The following GRID2 variants were observed in gnomAD, a reference collection of about 807,000 sequenced individuals.
The protein encoded by GRID2 is glutamate receptor ionotropic, delta-2.
A neutral mutation model predicts 114.8 loss-of-function variants in GRID2; 33 were observed. The observed-to-expected ratio is 0.29, with a 90% confidence interval of 0.22 to 0.38. The LOEUF is 0.38. Among genes scored for constraint, GRID2 ranks in the 10% least tolerant of loss-of-function variants. The probability of loss-of-function intolerance (pLI) is 1.00; values close to 1 mark genes in which losing one functional copy is unlikely to be tolerated. For synonymous variants in GRID2, 505 were observed against 449.9 expected (o/e 1.12, Z -1.55); for missense variants, 1,184 against 1,257.7 (o/e 0.94, Z 0.89).
chr4:92,910,907 A>G (rs1371310671), intron 2 of GRID2, among the ~76,000 whole-genome samples: 1 of 151,000 alleles, frequency 6.6e-6, no homozygotes, highest in Non-Finnish European at 1.5e-5. Flanking sequence ...CACAATTAAA[A>G]AAATATTTTC....
At chr4:93,113,724 G>T (rs1732985357) in intron 4 of GRID2, among the ~76,000 whole-genome samples, 1 of 152,208 alleles carries the variant, frequency 6.6e-6, no homozygotes, top group African/African-American at 2.4e-5. Context: ...ATGTCTGGTT[G>T]TAGAGGTAAA....
chr4:92,659,917 A>T (rs1415601646), intron 2 of GRID2, among the ~76,000 whole-genome samples: 1 of 151,522 alleles, frequency 6.6e-6, no homozygotes, highest in African/African-American at 2.4e-5. Context: ...GTGCAATAAA[A>T]TCTGTTAGAT....
At chr4:93,391,217 C>T (rs1764821597) in intron 8 of GRID2, among the ~76,000 whole-genome samples, 1 of 152,178 alleles carries the variant, frequency 6.6e-6, no homozygotes, top group African/African-American at 2.4e-5. Context: ...TACTGGCACA[C>T]TGCATTCATT....
intron 7 of GRID2, among the ~76,000 whole-genome samples, chr4:93,233,238 G>A (rs1746343257): frequency 6.6e-6 from 1 of 151,872 alleles, no homozygotes; most frequent in Admixed American, 6.6e-5. Context: ...GCTAAAAGGG[G>A]GAAAGACCAT....
At chr4:93,806,528 G>A (rs1735037007) in intron 1 of GRID2, among the ~76,000 whole-genome samples, 1 of 152,188 alleles carries the variant, frequency 6.6e-6, no homozygotes, top group South Asian at 2.1e-4. Flanking sequence ...ACAGTTGCCT[G>A]GAGTCTAGAA....
intron 2 of GRID2, among the ~76,000 whole-genome samples, chr4:92,749,445 G>C (rs1172419932): frequency 3.4e-5 from 5 of 149,048 alleles, no homozygotes; most frequent in Non-Finnish European, 1.5e-5. Flanking sequence ...CTCTCAAGTA[G>C]CTGAGACTAC....
intron 12 of GRID2, among the ~76,000 whole-genome samples, chr4:93,511,805 A>T (rs1729215311): frequency 6.8e-6 from 1 of 147,494 alleles, no homozygotes; most frequent in Non-Finnish European, 1.5e-5. Flanking sequence ...CTTTTCTGAG[A>T]ATGAGTTTTG....
intron 8 of GRID2, among the ~76,000 whole-genome samples, chr4:93,358,470 G>T (rs185936194): frequency 1.9e-4 from 29 of 151,938 alleles, no homozygotes; most frequent in Admixed American, 1.8e-3. Flanking sequence ...AGCATCCATG[G>T]AACATTGACC....
rs777052233 is a variant in GRID2, at chr4:93,282,284, A to T, written c.1245+43794A>T. 2.2e-4 allele frequency: 70 copies of T among 325,278 alleles called. 1 individual carries two copies. Among genetic ancestry groups the T allele is most frequent in the Admixed American group, 1.2e-3 (29 of 23,582 alleles). The allele number at this position is 325,278 out of a possible 1,614,324, so 20.1% of individuals were successfully genotyped here. On this transcript the variant is annotated intron_variant, in intron 8 of 15. Transcript: ENST00000282020. ...AGTCTTATCTCAGGTAGTAAAAACAATTAAAAGTACCTGCCTTAGTCCATT... is the reference window on the plus strand; with the variant it reads ...AGTCTTATCTCAGGTAGTAAAAACATTTAAAAGTACCTGCCTTAGTCCATT...
intron 2 of GRID2, among the ~76,000 whole-genome samples, chr4:92,856,270 G>T (rs896928008): frequency 6.6e-6 from 1 of 151,754 alleles, no homozygotes; most frequent in African/African-American, 2.4e-5. Context: ...TGTCCTTCTT[G>T]TCCTCTGAAT....
chr4:92,731,571 G>A (rs1435438106), intron 2 of GRID2, among the ~76,000 whole-genome samples: 1 of 151,800 alleles, frequency 6.6e-6, no homozygotes, highest in Non-Finnish European at 1.5e-5. Flanking sequence ...AACTGATTTT[G>A]TAATTTGTTA....
intron 1 of GRID2, among the ~76,000 whole-genome samples, chr4:92,436,081 T>C (rs1394300397): frequency 2.6e-5 from 4 of 152,172 alleles, no homozygotes; most frequent in South Asian, 4.1e-4. Flanking sequence ...TTCCATGTCT[T>C]CATAGTGAAA....
At chr4:93,605,722 A>T (rs1740162099) in intron 13 of GRID2, among the ~76,000 whole-genome samples, 1 of 152,200 alleles carries the variant, frequency 6.6e-6, no homozygotes, top group African/African-American at 2.4e-5. Context: ...AGAGGTGATG[A>T]TACTAGCATG....
intron 2 of GRID2, among the ~76,000 whole-genome samples, chr4:92,870,306 T>C (rs1263780660): frequency 6.6e-6 from 1 of 151,918 alleles, no homozygotes; most frequent in East Asian, 1.9e-4. Context: ...TCTCTCTCTC[T>C]CTCATTTAGA....
intron 1 of GRID2, among the ~76,000 whole-genome samples, chr4:92,383,977 A>G (rs1051886165): frequency 6.6e-6 from 1 of 152,014 alleles, no homozygotes; most frequent in Non-Finnish European, 1.5e-5. Context: ...AGTAGCCTTT[A>G]AGATATTTAA....
chr4:92,542,959 A>G (rs1169381975), intron 1 of GRID2, among the ~76,000 whole-genome samples: 2 of 150,996 alleles, frequency 1.3e-5, no homozygotes, highest in African/African-American at 2.5e-5. Context: ...TTTCAGCATT[A>G]TAGTTATATG....
intron 8 of GRID2, among the ~76,000 whole-genome samples, chr4:93,371,879 C>T (rs1460441920): frequency 6.6e-6 from 1 of 150,802 alleles, no homozygotes; most frequent in East Asian, 2.0e-4. Context: ...TCCTGAGTAG[C>T]TGGGATTACA....
intron 1 of GRID2, among the ~76,000 whole-genome samples, chr4:92,441,975 G>A: frequency 6.6e-6 from 1 of 151,756 alleles, no homozygotes; most frequent in Non-Finnish European, 1.5e-5. Context: ...AACTAAAAAG[G>A]AGTGCTTAAA....
chr4:92,964,876 ACTT>A (rs1245576335), intron 2 of GRID2, among the ~76,000 whole-genome samples: 1 of 151,980 alleles, frequency 6.6e-6, no homozygotes, highest in Non-Finnish European at 1.5e-5. Context: ...AGCAAAAAAG[ACTT>A]CTTTGTTTTC....
Sources: gnomAD v4.1 joint callset for allele counts (sites outside exome capture counted in the v4.1 genomes callset) on GRCh38, gnomAD v4.1.1 for gene constraint, MANE v1.5 for transcripts, NCBI Gene and HGNC (gene_info 2026-07-23, HGNC 2026-07-21) for gene names.